Variants in NEDD4L observed in about 807,000 individuals in gnomAD.
NEDD4L encodes E3 ubiquitin-protein ligase NEDD4-like.
In NEDD4L, 54 loss-of-function variants were observed where a neutral mutation model predicts 148.9. The ratio of observed to expected loss-of-function variants is 0.36; its 90% confidence interval spans 0.29 to 0.45. The LOEUF (loss-of-function observed/expected upper bound fraction) is 0.45. Among genes scored for constraint, NEDD4L ranks in the 20% least tolerant of loss-of-function variants. The probability of loss-of-function intolerance (pLI) is 1.00; values close to 1 mark genes in which losing one functional copy is unlikely to be tolerated. For missense variants in NEDD4L, 856 were observed against 1,233.8 expected (o/e 0.69, Z 4.59); for synonymous variants, 433 against 440.7 (o/e 0.98, Z 0.22).
intron 1 of NEDD4L, among the ~76,000 whole-genome samples, chr18:58,118,115 C>T (rs2085976335): frequency 6.6e-6 from 1 of 152,236 alleles, no homozygotes; most frequent in African/African-American, 2.4e-5. Context: ...CTCAGAAGTT[C>T]GGCTGGCATT....
At chr18:58,176,709 C>T (rs111735532) in intron 2 of NEDD4L, among the ~76,000 whole-genome samples, 12 of 152,296 alleles carry the variant, frequency 7.9e-5, no homozygotes, top group African/African-American at 2.2e-4. Flanking sequence ...ACCTTGTTCA[C>T]GTTGCCCTGA....
chr18:58,076,643 T>G (rs2145008478), intron 1 of NEDD4L, among the ~76,000 whole-genome samples: 1 of 152,236 alleles, frequency 6.6e-6, no homozygotes, highest in East Asian at 1.9e-4. Context: ...GAGGTGAGCC[T>G]GTGTCTTTCA....
At chr18:58,066,540 G>C (rs142071278) in intron 1 of NEDD4L, among the ~76,000 whole-genome samples, 1 of 152,070 alleles carries the variant, frequency 6.6e-6, no homozygotes, top group East Asian at 1.9e-4. Flanking sequence ...GGCTGGTCTT[G>C]AACGCCTGAC....
intron 1 of NEDD4L, among the ~76,000 whole-genome samples, chr18:58,159,228 T>G (rs1264957207): frequency 6.6e-6 from 1 of 151,876 alleles, no homozygotes; most frequent in Non-Finnish European, 1.5e-5. Flanking sequence ...TGTGAGATTT[T>G]TTAAAAAATG....
intron 1 of NEDD4L, among the ~76,000 whole-genome samples, chr18:58,140,553 G>A (rs549259086): frequency 1.5e-3 from 232 of 152,162 alleles, no homozygotes; most frequent in African/African-American, 5.3e-3. Flanking sequence ...GTGTCCCCTT[G>A]TCATTTTATA....
chr18:58,271,650 T>C (rs2051055848), intron 5 of NEDD4L, among the ~76,000 whole-genome samples: 1 of 152,232 alleles, frequency 6.6e-6, no homozygotes. Flanking sequence ...GAAAACCAAA[T>C]TATAAACCAA....
At chr18:58,207,623 G>A (rs2042107797) in intron 2 of NEDD4L, among the ~76,000 whole-genome samples, 1 of 152,134 alleles carries the variant, frequency 6.6e-6, no homozygotes, top group South Asian at 2.1e-4. Context: ...AAATTTCTAT[G>A]ACTTAGTAGC....
intron 6 of NEDD4L, among the ~76,000 whole-genome samples, chr18:58,317,173 C>G (rs1386646834): frequency 1.3e-5 from 2 of 152,196 alleles, no homozygotes; most frequent in African/African-American, 4.8e-5. Flanking sequence ...CTTAAAATAT[C>G]TTGTTTGTTT....
intron 1 of NEDD4L, among the ~76,000 whole-genome samples, chr18:58,161,345 A>T (rs2036182944): frequency 6.6e-6 from 1 of 151,882 alleles, no homozygotes; most frequent in Non-Finnish European, 1.5e-5. Context: ...TGTTTTTCTT[A>T]TGACAAAATC....
chr18:58,395,171 AATGAGCTGTGGCAAGTGTGCATGCC>A (rs1228809866), intron 30 of NEDD4L, among the ~76,000 whole-genome samples: 7 of 152,188 alleles, frequency 4.6e-5, no homozygotes, highest in Admixed American at 2.6e-4. Context: ...CTTACGTCAT[AATGAGCTGTGGCAAGTGTGCATGCC>A]ATTTTCATGA....
In NEDD4L at chr18:58,341,715, G is replaced by A; in HGVS notation, c.1295G>A (p.Ser432Asn). Residue 432 changes from serine (S) to asparagine (N), a missense_variant, in exon 15 of 31, where the codon AGT (serine) becomes AAT (asparagine). Physicochemically the swap from Ser to Asn is conservative, Grantham distance 46 (BLOSUM62 1). Coordinates refer to ENST00000400345, the MANE Select transcript of NEDD4L (RefSeq NM_001144967.3). Reference protein sequence around the residue: ...EDGASGSATNSNNHLIEPQIR... With the variant: ...EDGASGSATNNNNHLIEPQIR... ...GGTGCGTCCGGATCAGCCACAAACAGTAACAACCATCTAATCGAGCCTCAG... is the reference window on the plus strand; with the variant it reads ...GGTGCGTCCGGATCAGCCACAAACAATAACAACCATCTAATCGAGCCTCAG... 14 of 1,613,886 alleles carry A rather than the reference G, an allele frequency of 8.7e-6. No individual in the cohort carries two copies. The highest frequency in any genetic ancestry group is 1.2e-5 in the Non-Finnish European group (14 of 1,179,872).
intron 18 of NEDD4L, among the ~76,000 whole-genome samples, chr18:58,353,716 G>T (rs923668738): frequency 6.6e-6 from 1 of 152,190 alleles, no homozygotes; most frequent in Non-Finnish European, 1.5e-5. Flanking sequence ...TAACATTTAG[G>T]AATGTCCTTT....
In NEDD4L at chr18:58,342,292, C is replaced by T. The variant is rs181598246; in HGVS notation, c.1377+495C>T. On this transcript the variant is annotated intron_variant, in intron 15 of 30. Transcript: ENST00000400345. ...CTGGGCATCTGCTTGTGCTCTCTGTCGTGTTTGTGTTGTTTTGGTGCCATC... is the reference window on the plus strand; with the variant it reads ...CTGGGCATCTGCTTGTGCTCTCTGTTGTGTTTGTGTTGTTTTGGTGCCATC... Among the ~76,000 whole-genome samples, 15 of 152,256 alleles carry T rather than the reference C, an allele frequency of 9.9e-5. No individual in the cohort carries two copies. The East Asian group carries it at 2.3e-3, about 24-fold the overall frequency.
chr18:58,235,340 C>T (rs1279009362), intron 2 of NEDD4L, among the ~76,000 whole-genome samples: 2 of 152,156 alleles, frequency 1.3e-5, no homozygotes, highest in Non-Finnish European at 2.9e-5. Flanking sequence ...GTCCTGAGCA[C>T]TGGACACACA....
chr18:58,279,466 C>T, intron 5 of NEDD4L, among the ~76,000 whole-genome samples: 1 of 152,154 alleles, frequency 6.6e-6, no homozygotes, highest in East Asian at 1.9e-4. Flanking sequence ...GAGGGCATTT[C>T]CAGCAAGAAG....
chr18:58,075,630 G>A (rs2144989071), intron 1 of NEDD4L, among the ~76,000 whole-genome samples: 1 of 152,252 alleles, frequency 6.6e-6, no homozygotes, highest in South Asian at 2.1e-4. Flanking sequence ...GTACTTTTAA[G>A]AGTATTTTTT....
intron 1 of NEDD4L, among the ~76,000 whole-genome samples, chr18:58,152,764 C>T (rs1292951671): frequency 6.6e-6 from 1 of 152,184 alleles, no homozygotes; most frequent in Non-Finnish European, 1.5e-5. Context: ...ACTTTGAGAA[C>T]CACTCTTCTA....
At chr18:58,385,613 G>GC (rs2048906863) in intron 26 of NEDD4L, 27 bp downstream of exon 26, 3 of 1,594,644 alleles carry the variant, frequency 1.9e-6, no homozygotes, top group Non-Finnish European at 2.6e-6. Flanking sequence ...AGGGTTCTCT[G>GC]CCATGTGCCT....
chr18:58,157,942 G>T (rs1461830187), intron 1 of NEDD4L, among the ~76,000 whole-genome samples: 1 of 152,210 alleles, frequency 6.6e-6, no homozygotes, highest in Non-Finnish European at 1.5e-5. Context: ...AGAGTTAGCA[G>T]CTTATAAAGC....
Sources: gnomAD v4.1 joint callset for allele counts (sites outside exome capture counted in the v4.1 genomes callset) on GRCh38, gnomAD v4.1.1 for gene constraint, MANE v1.5 for transcripts, NCBI Gene and HGNC (gene_info 2026-07-23, HGNC 2026-07-21) for gene names.